Variants in PPM1H observed in about 807,000 individuals in gnomAD.
The protein encoded by PPM1H is protein phosphatase 1H.
Under a neutral mutation model 54.9 loss-of-function variants are expected in PPM1H, and 27 were observed. That is an observed-to-expected ratio of 0.49 (90% CI 0.36 to 0.68). The LOEUF (loss-of-function observed/expected upper bound fraction) is 0.68, where lower values mean the gene tolerates loss of function less well. Among genes scored for constraint, PPM1H ranks in the 30% least tolerant of loss-of-function variants. The pLI is 0.00. For missense variants in PPM1H, 596 were observed against 667.8 expected (o/e 0.89, Z 1.19); for synonymous variants, 305 against 270.8 (o/e 1.13, Z -1.24).
At chr12:62,864,105 A>G (rs916669891) in intron 1 of PPM1H, among the ~76,000 whole-genome samples, 1 of 152,214 alleles carries the variant, frequency 6.6e-6, no homozygotes, top group African/African-American at 2.4e-5. Context: ...AGGGTGCTAC[A>G]GGCATCTAGT....
At chr12:62,885,827 G>C (rs1299756851) in intron 1 of PPM1H, among the ~76,000 whole-genome samples, 1 of 152,110 alleles carries the variant, frequency 6.6e-6, no homozygotes, top group Non-Finnish European at 1.5e-5. Context: ...TTGCATATCT[G>C]TGCCATCTTC....
intron 4 of PPM1H, among the ~76,000 whole-genome samples, chr12:62,774,553 A>G (rs163685): frequency 0.14 from 21,939 of 151,968 alleles, 1,814 homozygotes; most frequent in African/African-American, 0.21. Flanking sequence ...TGTTGCCCAG[A>G]CTGATTTCAA....
chr12:62,785,506 A>C (rs959608895), intron 4 of PPM1H, among the ~76,000 whole-genome samples: 1 of 152,248 alleles, frequency 6.6e-6, no homozygotes, highest in Non-Finnish European at 1.5e-5. Context: ...AACACTTAGA[A>C]ATACAAGAAC....
At chr12:62,756,122 T>C in intron 4 of PPM1H, 1 of 875,606 alleles carries the variant, frequency 1.1e-6, no homozygotes, top group African/African-American at 1.6e-5. Flanking sequence ...ATGCTGGGGA[T>C]GGCATTGACC....
intron 6 of PPM1H, among the ~76,000 whole-genome samples, chr12:62,696,088 A>G (rs1478901797): frequency 6.6e-6 from 1 of 152,224 alleles, no homozygotes; most frequent in Non-Finnish European, 1.5e-5. Flanking sequence ...CAGCTCTAGA[A>G]CCAATGACTG....
chr12:62,700,685 G>A (rs2076139316), intron 6 of PPM1H, among the ~76,000 whole-genome samples: 1 of 152,276 alleles, frequency 6.6e-6, no homozygotes, highest in South Asian at 2.1e-4. Context: ...AGGCGATGGT[G>A]CTAGGATGAT....
At chr12:62,735,193 T>A (rs544006179) in intron 5 of PPM1H, among the ~76,000 whole-genome samples, 1 of 152,052 alleles carries the variant, frequency 6.6e-6, no homozygotes, top group South Asian at 2.1e-4. Context: ...AATATGAATA[T>A]TGTTTTTAAT....
intron 3 of PPM1H, among the ~76,000 whole-genome samples, chr12:62,797,212 A>G (rs1433569407): frequency 6.6e-6 from 1 of 152,206 alleles, no homozygotes; most frequent in Non-Finnish European, 1.5e-5. Context: ...GTGAAGGAGA[A>G]GCTCTGCTTT....
intron 2 of PPM1H, among the ~76,000 whole-genome samples, chr12:62,809,259 C>T (rs2076822252): frequency 6.6e-6 from 1 of 152,158 alleles, no homozygotes; most frequent in South Asian, 2.1e-4. Flanking sequence ...CCATGTTGGC[C>T]AGGCTGGTCT....
At chr12:62,706,560 A>T (rs1172041599) in intron 6 of PPM1H, among the ~76,000 whole-genome samples, 1 of 152,246 alleles carries the variant, frequency 6.6e-6, no homozygotes, top group Non-Finnish European at 1.5e-5. Context: ...TTATATTTTT[A>T]AAAACTTACA....
At chr12:62,838,882 C>G (rs1592627502) in intron 1 of PPM1H, among the ~76,000 whole-genome samples, 2 of 116,970 alleles carry the variant, frequency 1.7e-5, no homozygotes, top group East Asian at 5.2e-4. Context: ...GATCGCGCCA[C>G]TGCACTCCAG....
intron 2 of PPM1H, among the ~76,000 whole-genome samples, chr12:62,825,883 A>T (rs1030290957): frequency 1.1e-4 from 11 of 100,360 alleles, no homozygotes; most frequent in African/African-American, 3.5e-4. Context: ...AAAGTATAAT[A>T]AAAAAAAAAT....
chr12:62,699,687 T>C (rs2076133358), intron 6 of PPM1H, among the ~76,000 whole-genome samples: 1 of 152,154 alleles, frequency 6.6e-6, no homozygotes, highest in South Asian at 2.1e-4. Flanking sequence ...GGATTTCAAC[T>C]CTCCTGGAAT....
chr12:62,775,755 T>A (rs2076606753), intron 4 of PPM1H, among the ~76,000 whole-genome samples: 1 of 152,228 alleles, frequency 6.6e-6, no homozygotes, highest in African/African-American at 2.4e-5. Context: ...TGGGCCCTGT[T>A]TGCACCTCCT....
At chr12:62,904,081 G>T (rs536438069) in intron 1 of PPM1H, among the ~76,000 whole-genome samples, 1 of 151,960 alleles carries the variant, frequency 6.6e-6, no homozygotes, top group Non-Finnish European at 1.5e-5. Flanking sequence ...TCACTTCAAA[G>T]GAATTACATT....
intron 9 of PPM1H, among the ~76,000 whole-genome samples, chr12:62,651,356 T>G (rs1404104506): frequency 6.6e-6 from 1 of 152,202 alleles, no homozygotes; most frequent in African/African-American, 2.4e-5. Flanking sequence ...TTTATGGCTA[T>G]TTTAAGCTCC....
chr12:62,664,086 C>CTG (rs71450589), intron 9 of PPM1H, among the ~76,000 whole-genome samples: 139,278 of 152,066 alleles, frequency 0.92, 63,808 homozygotes, highest in East Asian at 0.95. Context: ...GGGCCTCACT[C>CTG]AGAAATATCT....
At chr12:62,661,817 G>A (rs79732027) in intron 9 of PPM1H, among the ~76,000 whole-genome samples, 5,695 of 152,226 alleles carry the variant, frequency 0.037, 152 homozygotes, top group Non-Finnish European at 0.054. Context: ...CTATGGAGTC[G>A]CTCAGATTAT....
chr12:62,828,156 C>A (rs1868310748), intron 2 of PPM1H, among the ~76,000 whole-genome samples: 1 of 152,168 alleles, frequency 6.6e-6, no homozygotes, highest in South Asian at 2.1e-4. Context: ...AAGGGCATGT[C>A]TTCTAGATGG....
Sources: allele counts gnomAD v4.1 joint callset (sites outside exome capture counted in the v4.1 genomes callset), GRCh38; gene constraint gnomAD v4.1.1; transcripts MANE v1.5; gene names NCBI Gene and HGNC (gene_info 2026-07-23, HGNC 2026-07-21).